SFMBT1: variants seen among roughly 807,000 people sequenced by gnomAD.
The protein encoded by SFMBT1 is Scm like with four mbt domains 1.
Under a neutral mutation model 108.7 loss-of-function variants are expected in SFMBT1, and 32 were observed. The ratio of observed to expected loss-of-function variants is 0.29; its 90% CI spans 0.22 to 0.40. The LOEUF is 0.40. Ranked by LOEUF, SFMBT1 falls within the 10% of genes least tolerant of loss-of-function variation. The pLI is 1.00. For synonymous variants in SFMBT1, 348 were observed against 369.5 expected (o/e 0.94, Z 0.67); for missense variants, 816 against 1,059.6 (o/e 0.77, Z 3.19).
intron 1 of SFMBT1, among the ~76,000 whole-genome samples, chr3:53,004,496 T>C (rs1156801673): frequency 6.7e-6 from 1 of 149,770 alleles, no homozygotes; most frequent in Admixed American, 6.8e-5. Context: ...TGGTCTTGAT[T>C]CTCTTGACCT....
rs1704257490 is a variant in SFMBT1, at chr3:52,969,171, A to G, written c.-43T>C. The G allele has an allele frequency of 6.2e-7, 1 of 1,612,808 alleles. No individual in the cohort carries two copies. Among genetic ancestry groups the G allele is most frequent in the Non-Finnish European group, 8.5e-7 (1 of 1,179,610 alleles). On this transcript the variant is annotated 5_prime_UTR_variant, in exon 2 of 21. Coordinates refer to ENST00000394752, the MANE Select transcript of SFMBT1 (RefSeq NM_016329.4). Reference sequence around the variant, plus strand: ...AGGCTATATCCTCCCAAAACAAAGGAAAGGCCTATGGTTCTGCTAGGATCT... The same window carrying G: ...AGGCTATATCCTCCCAAAACAAAGGGAAGGCCTATGGTTCTGCTAGGATCT...
intron 3 of SFMBT1, among the ~76,000 whole-genome samples, chr3:52,949,939 C>G (rs1703515302): frequency 6.6e-6 from 1 of 152,110 alleles, no homozygotes; most frequent in Non-Finnish European, 1.5e-5. Context: ...TTAGTGTTAG[C>G]ATGGTATATC....
intron 1 of SFMBT1, chr3:53,045,159 G>A (rs568498260): frequency 3.5e-4 from 53 of 151,330 alleles, no homozygotes; most frequent in African/African-American, 1.3e-3. Context: ...GCGGTGCCCG[G>A]CGGGCCGCGG....
In SFMBT1 at chr3:52,918,489, T is replaced by C. The variant is rs1232584801; in HGVS notation, c.1410A>G (p.Glu470=). ...KQRKIAVVQP[E]KQVPSSRTVH... is the part of the protein sequence containing the mutation. ...CATATTATTACGTTACTTACTGTTT[T>C]TCTGGCTGAACCACTGCAATTTTCC... The change falls in exon 13 of 21, where the codon GAA becomes GAG. Residue 470 remains glutamate, a synonymous_variant. Coordinates refer to ENST00000394752, the MANE Select transcript of SFMBT1 (RefSeq NM_016329.4). The C allele has an allele frequency of 1.3e-6, 2 of 1,561,944 alleles. No homozygotes were observed. The highest frequency in any genetic ancestry group is 1.7e-6 in the Non-Finnish European group (2 of 1,160,664).
At chr3:52,928,683 CAT>C (rs1559514243) in intron 8 of SFMBT1, among the ~76,000 whole-genome samples, 10 of 137,516 alleles carry the variant, frequency 7.3e-5, no homozygotes, top group East Asian at 2.0e-4. Context: ...CACACACACA[CAT>C]ATATATATAG....
chr3:52,936,830 C>T (rs1575386089), intron 4 of SFMBT1, among the ~76,000 whole-genome samples: 1 of 151,810 alleles, frequency 6.6e-6, no homozygotes, highest in African/African-American at 2.4e-5. Flanking sequence ...TCATTTAACT[C>T]ATCCATCTAA....
At chr3:52,940,481 G>A (rs1251150605) in intron 4 of SFMBT1, among the ~76,000 whole-genome samples, 3 of 152,094 alleles carry the variant, frequency 2.0e-5, no homozygotes, top group Non-Finnish European at 4.4e-5. Context: ...TAAAGTAAAG[G>A]ATTATAACCC....
chr3:52,956,822 T>C (rs868744677), intron 2 of SFMBT1, among the ~76,000 whole-genome samples: 9 of 152,036 alleles, frequency 5.9e-5, no homozygotes, highest in African/African-American at 2.2e-4. Context: ...ATGGAACATA[T>C]CTCAAAATAA....
At chr3:53,010,630 C>G (rs1473099966) in intron 1 of SFMBT1, among the ~76,000 whole-genome samples, 1 of 152,112 alleles carries the variant, frequency 6.6e-6, no homozygotes, top group Admixed American at 6.5e-5. Flanking sequence ...ATTTGTACAA[C>G]CAGAATACAG....
chr3:53,039,727 T>C (rs1482380283), intron 1 of SFMBT1, among the ~76,000 whole-genome samples: 1 of 152,168 alleles, frequency 6.6e-6, no homozygotes, highest in Admixed American at 6.5e-5. Flanking sequence ...CCCCACCTCC[T>C]GGGTTCAAGC....
At chr3:52,905,403 G>A (rs906079566) in intron 20 of SFMBT1, 127 bp from the exon 21 acceptor site, 47 of 905,580 alleles carry the variant, frequency 5.2e-5, no homozygotes, top group African/African-American at 6.8e-5. Context: ...TTACTTTTTC[G>A]TCTTAGGTAT....
At chr3:52,914,149 G>GT (rs5848966) in intron 14 of SFMBT1, among the ~76,000 whole-genome samples, 17,128 of 151,980 alleles carry the variant, frequency 0.11, 1,003 homozygotes, top group Non-Finnish European at 0.13. Context: ...ACATCTCTAA[G>GT]TTTTTTTTGT....
At chr3:52,915,760 T>C (rs1231877537) in intron 14 of SFMBT1, among the ~76,000 whole-genome samples, 3 of 152,250 alleles carry the variant, frequency 2.0e-5, no homozygotes, top group Non-Finnish European at 4.4e-5. Flanking sequence ...GTGAAATTTA[T>C]ATACAAAGTA....
chr3:53,017,973 C>T (rs1274588082), intron 1 of SFMBT1: 5 of 152,300 alleles, frequency 3.3e-5, no homozygotes, highest in Admixed American at 3.3e-4. Context: ...TGGCTCACGC[C>T]TGTAATCCCA....
At chr3:53,035,621 G>C (rs931317367) in intron 1 of SFMBT1, among the ~76,000 whole-genome samples, 1 of 152,018 alleles carries the variant, frequency 6.6e-6, no homozygotes, top group Non-Finnish European at 1.5e-5. Context: ...TTTTTAAATG[G>C]AGTCTCACTC....
intron 2 of SFMBT1, among the ~76,000 whole-genome samples, chr3:52,968,661 G>A (rs1001213642): frequency 2.0e-5 from 3 of 148,522 alleles, no homozygotes; most frequent in East Asian, 2.0e-4. Flanking sequence ...GTGCAGTGGC[G>A]CGATCCTGGC....
chr3:52,963,626 T>TC (rs1224106548), intron 2 of SFMBT1, among the ~76,000 whole-genome samples: 1 of 151,934 alleles, frequency 6.6e-6, no homozygotes, highest in Non-Finnish European at 1.5e-5. Flanking sequence ...TTTTTTTTTT[T>TC]CTTTTTGGTA....
At chr3:52,969,704 A>G (rs935688750) in intron 1 of SFMBT1, among the ~76,000 whole-genome samples, 5 of 152,188 alleles carry the variant, frequency 3.3e-5, no homozygotes, top group Admixed American at 3.3e-4. Context: ...CATCTCATCT[A>G]TCTAGAATAT....
intron 1 of SFMBT1, among the ~76,000 whole-genome samples, chr3:52,981,686 GT>G (rs1704717747): frequency 6.6e-6 from 1 of 151,914 alleles, no homozygotes; most frequent in Non-Finnish European, 1.5e-5. Context: ...ACCTGAACAG[GT>G]TTTTAATGCT....
Sources: gnomAD v4.1 joint callset for allele counts (sites outside exome capture counted in the v4.1 genomes callset) on GRCh38, gnomAD v4.1.1 for gene constraint, MANE v1.5 for transcripts, NCBI Gene and HGNC (gene_info 2026-07-23, HGNC 2026-07-21) for gene names.